EDARADD: variants seen among roughly 807,000 people sequenced by gnomAD.
EDARADD encodes ectodysplasin-A receptor-associated adapter protein.
EDARADD carries 20 observed loss-of-function variants against 25.6 expected under a neutral mutation model. That is an observed-to-expected ratio of 0.78 (90% CI 0.55 to 1.14). The LOEUF is 1.14. EDARADD is among the 50% of genes most tolerant of loss of function. The pLI, the probability that EDARADD is intolerant of heterozygous loss-of-function variation, is 0.00. For synonymous variants in EDARADD, 86 were observed against 94.4 expected, an observed-to-expected ratio of 0.91 and a Z score of 0.52; for missense variants, 225 against 270.1, an observed-to-expected ratio of 0.83 and a Z score of 1.17.
chr1:236,369,002 C>T (rs1667144159), intron 3 of EDARADD, among the ~76,000 whole-genome samples: 1 of 151,924 alleles, frequency 6.6e-6, no homozygotes, highest in Non-Finnish European at 1.5e-5. Flanking sequence ...GCTATGTTGC[C>T]CAGGCTGGTC....
At chr1:236,444,611 G>A (rs1356451266) in intron 4 of EDARADD, among the ~76,000 whole-genome samples, 1 of 152,120 alleles carries the variant, frequency 6.6e-6, no homozygotes, top group African/African-American at 2.4e-5. Context: ...TAGTAGAGAC[G>A]GGGTTTCGCC....
At position 236,369,855 on chromosome 1, in the gene EDARADD, C is replaced by CAA. The variant is rs35350100; in HGVS notation, c.-6+19024_-6+19025dup. 5.9e-3 allele frequency among the ~76,000 whole-genome samples: 893 copies of CAA among 150,496 alleles called. 9 individuals carry two copies. The highest frequency in any genetic ancestry group is 0.02 in the African/African-American group (834 of 41,100). On this transcript the variant is annotated intron_variant, in intron 3 of 7. Coordinates refer to the EDARADD transcript ENST00000439430. ...TCTGTCTCAATAAAAACCAAAAAAGCAAAAAAAAATTGTTATCATATTTCA... is the reference window on the plus strand; with the variant it reads ...TCTGTCTCAATAAAAACCAAAAAAGCAAAAAAAAAAATTGTTATCATATTTCA...
chr1:236,461,440 C>T (rs1374142238), intron 4 of EDARADD, among the ~76,000 whole-genome samples: 3 of 152,172 alleles, frequency 2.0e-5, no homozygotes, highest in South Asian at 2.1e-4. Flanking sequence ...TTGGCACCTT[C>T]GTCAAAAATG....
chr1:236,456,105 A>G (rs1011556884), intron 4 of EDARADD, among the ~76,000 whole-genome samples: 14 of 149,106 alleles, frequency 9.4e-5, no homozygotes, highest in South Asian at 2.1e-4. Flanking sequence ...TCCTTTTTTA[A>G]GAGTCTCACT....
intron 3 of EDARADD, among the ~76,000 whole-genome samples, chr1:236,371,848 A>G (rs1667176257): frequency 6.6e-6 from 1 of 152,056 alleles, no homozygotes; most frequent in African/African-American, 2.4e-5. Flanking sequence ...CTGGGATTAC[A>G]GGCATGAGCC....
At chr1:236,446,041 A>C (rs575432985) in intron 4 of EDARADD, among the ~76,000 whole-genome samples, 40 of 152,214 alleles carry the variant, frequency 2.6e-4, no homozygotes, top group South Asian at 2.1e-4. Context: ...TCTGCAGCGC[A>C]TGGCACTTAT....
In EDARADD at chr1:236,469,488, A is replaced by AAAT. The variant is rs373192177; in HGVS notation, c.265+1233_265+1235dup. Among the ~76,000 whole-genome samples, 1,245 of 151,838 alleles carry AAAT rather than the reference A, an allele frequency of 8.2e-3. 23 individuals are homozygous for AAAT. The highest frequency in any genetic ancestry group is 0.025 in the African/African-American group (1,017 of 41,408). On this transcript the variant is annotated intron_variant, in intron 5 of 5. Coordinates refer to ENST00000334232, the MANE Select transcript of EDARADD (RefSeq NM_145861.4). ...ACTCCATCTCAAAAAAATGCTAGCA[A>AAAT]AATAATAATAATAATAATAATAAAA...
chr1:236,367,330 A>G (rs974816849), intron 3 of EDARADD, among the ~76,000 whole-genome samples: 3 of 151,718 alleles, frequency 2.0e-5, no homozygotes, highest in African/African-American at 7.3e-5. Flanking sequence ...CCCAAGTTCA[A>G]TTGATTCCCC....
intron 4 of EDARADD, among the ~76,000 whole-genome samples, chr1:236,452,317 T>C (rs1658734953): frequency 6.6e-6 from 1 of 152,244 alleles, no homozygotes; most frequent in Non-Finnish European, 1.5e-5. Flanking sequence ...CTCTTTCTCT[T>C]ATTGATATGG....
chr1:236,479,942 A>G (rs1453145113), intron 5 of EDARADD, among the ~76,000 whole-genome samples: 2 of 151,502 alleles, frequency 1.3e-5, no homozygotes, highest in Non-Finnish European at 2.9e-5. Flanking sequence ...GCTGCTTGGG[A>G]GGCTGAGGCA....
rs11358746 is a variant in EDARADD at position 236,484,708 on chromosome 1, GAA to G, written c.*2077_*2078del. ...GGAGACAGAGTGAGAGTCCGTCCCAGAAAAAAAAAAAAAAAAAAAGAACTTCT... is the reference window on the plus strand; with the variant it reads ...GGAGACAGAGTGAGAGTCCGTCCCAGAAAAAAAAAAAAAAAAAGAACTTCT... On this transcript the variant is annotated 3_prime_UTR_variant, in exon 6 of 6. Coordinates refer to ENST00000334232, the MANE Select transcript of EDARADD (RefSeq NM_145861.4). This position sits in a 1 kb window ranked among gnomAD's most constrained non-coding sequence, Gnocchi z 4.1. 0.026 allele frequency: 3,795 copies of G among 148,160 alleles called. No homozygotes were observed. Among genetic ancestry groups the G allele is most frequent in the South Asian group, 0.063 (473 of 7,560 alleles). The allele number at this position is 148,160 out of a possible 1,614,324, so 9.2% of individuals were successfully genotyped here.
chr1:236,428,737 G>A (rs1194194059), intron 4 of EDARADD, among the ~76,000 whole-genome samples: 1 of 148,302 alleles, frequency 6.7e-6, no homozygotes, highest in Non-Finnish European at 1.5e-5. Flanking sequence ...ACGGGGTGGC[G>A]GCCGGGCAGA....
chr1:236,465,628 G>A (rs577994758), intron 4 of EDARADD, among the ~76,000 whole-genome samples: 48 of 152,152 alleles, frequency 3.2e-4, no homozygotes, highest in African/African-American at 9.6e-4. Context: ...TTGCATTTTC[G>A]TTGTTTAAGT....
chr1:236,437,425 A>T (rs76218511), intron 4 of EDARADD, among the ~76,000 whole-genome samples: 7,998 of 152,106 alleles, frequency 0.053, 606 homozygotes, highest in African/African-American at 0.17. Flanking sequence ...TGACGGTGGA[A>T]TGATGGGGTA....
chr1:236,361,907 T>C (rs924922538), intron 3 of EDARADD, among the ~76,000 whole-genome samples: 10 of 152,014 alleles, frequency 6.6e-5, no homozygotes, highest in African/African-American at 2.4e-4. Context: ...TGCTTTCTTT[T>C]ATCTTAGGGA....
At chr1:236,454,824 T>C (rs1483739314) in intron 4 of EDARADD, among the ~76,000 whole-genome samples, 1 of 152,182 alleles carries the variant, frequency 6.6e-6, no homozygotes, top group East Asian at 1.9e-4. Context: ...TATAGACTTT[T>C]CCACAGTTCT....
intron 3 of EDARADD, among the ~76,000 whole-genome samples, chr1:236,377,438 G>T (rs1667236370): frequency 1.3e-5 from 2 of 151,048 alleles, no homozygotes; most frequent in South Asian, 4.2e-4. Context: ...TTACAGGCGT[G>T]AGCCACCACG....
At chr1:236,358,008 G>C (rs1667001502) in intron 3 of EDARADD, among the ~76,000 whole-genome samples, 1 of 152,040 alleles carries the variant, frequency 6.6e-6, no homozygotes, top group South Asian at 2.1e-4. Flanking sequence ...GAATAACAGG[G>C]ATTATAGGTG....
intron 4 of EDARADD, among the ~76,000 whole-genome samples, chr1:236,447,170 CTCTTTCTT>C (rs1240943288): frequency 0.018 from 1,650 of 93,110 alleles, 45 homozygotes; most frequent in Middle Eastern, 0.057. Flanking sequence ...CCCTCCCTCC[CTCTTTCTT>C]TCTTTCTTTC....
Sources: allele counts gnomAD v4.1 joint callset (sites outside exome capture counted in the v4.1 genomes callset), GRCh38; gene constraint gnomAD v4.1.1; non-coding constraint Gnocchi (gnomAD v3.1); transcripts MANE v1.5; gene names NCBI Gene and HGNC (gene_info 2026-07-23, HGNC 2026-07-21).